NSMCE2: variants seen among roughly 807,000 people sequenced by gnomAD.
NSMCE2 encodes NSE2 SUMO ligase component of SMC5/6 complex.
A neutral mutation model predicts 23.8 loss-of-function variants in NSMCE2; 24 were observed. The observed-to-expected ratio is 1.01, with a 90% CI of 0.73 to 1.42. The LOEUF (loss-of-function observed/expected upper bound fraction) is 1.42, where lower values mean the gene tolerates loss of function less well. Among genes scored for constraint, NSMCE2 ranks in the 40% most tolerant of loss-of-function variants. The pLI is 0.00. For missense variants in NSMCE2, 284 were observed against 296.5 expected (o/e 0.96, Z 0.31); for synonymous variants, 92 against 94.1 (o/e 0.98, Z 0.13).
intron 3 of NSMCE2, among the ~76,000 whole-genome samples, chr8:125,132,580 C>T (rs969289367): frequency 1.3e-5 from 2 of 151,980 alleles, no homozygotes; most frequent in Admixed American, 1.3e-4. Context: ...GCAACCTCCA[C>T]CTCCTCAGGC....
chr8:125,309,265 A>G (rs1028830541), intron 5 of NSMCE2, among the ~76,000 whole-genome samples: 7 of 151,740 alleles, frequency 4.6e-5, no homozygotes, highest in Non-Finnish European at 7.4e-5. Flanking sequence ...AAAAAAAAAA[A>G]AAAAAGAATT....
At chr8:125,103,625 G>A (rs1818309211) in intron 3 of NSMCE2, among the ~76,000 whole-genome samples, 2 of 152,082 alleles carry the variant, frequency 1.3e-5, no homozygotes, top group Non-Finnish European at 2.9e-5. Flanking sequence ...TGTTAGATGG[G>A]TTGATATTGT....
At chr8:125,364,543 A>T (rs1016892109) in intron 7 of NSMCE2, among the ~76,000 whole-genome samples, 1 of 152,238 alleles carries the variant, frequency 6.6e-6, no homozygotes, top group African/African-American at 2.4e-5. Context: ...GGCAGGAACC[A>T]TGTATTTGTA....
intron 5 of NSMCE2, among the ~76,000 whole-genome samples, chr8:125,332,714 C>G (rs1829924199): frequency 6.6e-6 from 1 of 152,184 alleles, no homozygotes; most frequent in Non-Finnish European, 1.5e-5. Flanking sequence ...TTTTCTTTCC[C>G]CTATCCCCTT....
intron 5 of NSMCE2, among the ~76,000 whole-genome samples, chr8:125,273,691 C>A (rs948026825): frequency 2.0e-5 from 3 of 152,180 alleles, no homozygotes; most frequent in African/African-American, 7.2e-5. Flanking sequence ...GGATTATCAT[C>A]TGAATTTCTC....
chr8:125,267,223 G>A (rs938415276), intron 5 of NSMCE2, among the ~76,000 whole-genome samples: 8 of 152,008 alleles, frequency 5.3e-5, no homozygotes, highest in Non-Finnish European at 1.2e-4. Flanking sequence ...GGCCAGGCTG[G>A]TCTCAAACTC....
intron 4 of NSMCE2, among the ~76,000 whole-genome samples, chr8:125,176,419 G>A (rs188245581): frequency 1.3e-5 from 2 of 151,846 alleles, no homozygotes; most frequent in South Asian, 2.1e-4. Context: ...TCTTCTAGCC[G>A]CCCTTAAAAT....
At chr8:125,294,798 C>CG (rs1563768303) in intron 5 of NSMCE2, among the ~76,000 whole-genome samples, 1 of 152,158 alleles carries the variant, frequency 6.6e-6, no homozygotes, top group Non-Finnish European at 1.5e-5. Context: ...CACAGTGTTC[C>CG]GAGGCCTTTA....
At chr8:125,154,442 G>C (rs1187478399) in intron 4 of NSMCE2, among the ~76,000 whole-genome samples, 2 of 151,162 alleles carry the variant, frequency 1.3e-5, no homozygotes, top group Non-Finnish European at 2.9e-5. Flanking sequence ...CAAGAAAACA[G>C]GGCTACTATA....
intron 3 of NSMCE2, among the ~76,000 whole-genome samples, chr8:125,149,952 T>C (rs1385758363): frequency 6.6e-6 from 1 of 152,188 alleles, no homozygotes. Context: ...TAAGAGTGCC[T>C]TCTCCAGAAA....
intron 7 of NSMCE2, among the ~76,000 whole-genome samples, chr8:125,364,623 G>A (rs573653304): frequency 6.6e-6 from 1 of 152,226 alleles, no homozygotes; most frequent in Admixed American, 6.5e-5. Context: ...GCATGAATGG[G>A]TGCATGCCTG....
intron 5 of NSMCE2, among the ~76,000 whole-genome samples, chr8:125,233,698 G>A (rs990120678): frequency 2.0e-5 from 3 of 152,116 alleles, no homozygotes; most frequent in African/African-American, 7.2e-5. Flanking sequence ...AACAGAGATG[G>A]AGGAGATGAA....
chr8:125,130,602 C>T lies in NSMCE2; in HGVS notation c.158-20569C>T, dbSNP rs540808314. Among the ~76,000 whole-genome samples the T allele has an allele frequency of 3.3e-5, 5 of 152,250 alleles. No homozygotes were observed. The East Asian group carries it at 9.6e-4, about 29-fold the overall frequency. On this transcript the variant is annotated intron_variant, in intron 3 of 7. Coordinates refer to ENST00000287437, the MANE Select transcript of NSMCE2 (RefSeq NM_173685.4). ...TATTGAGAAACCAAGATCTGGGCTC[C>T]AGATGTGCTTGCTGCTACCAGAAAG...
intron 5 of NSMCE2, among the ~76,000 whole-genome samples, chr8:125,301,652 ATT>A (rs67825410): frequency 0.08 from 8,912 of 110,758 alleles, 229 homozygotes; most frequent in Middle Eastern, 0.14. Flanking sequence ...CATACAAGCC[ATT>A]TTTTTTTTTT....
At chr8:125,345,649 C>G (rs1397251351) in intron 5 of NSMCE2, among the ~76,000 whole-genome samples, 1 of 152,180 alleles carries the variant, frequency 6.6e-6, no homozygotes, top group African/African-American at 2.4e-5. Flanking sequence ...TGCTTTAGCA[C>G]CTGACAGAGG....
At chr8:125,252,451 A>G (rs1826236559) in intron 5 of NSMCE2, among the ~76,000 whole-genome samples, 1 of 152,176 alleles carries the variant, frequency 6.6e-6, no homozygotes, top group Non-Finnish European at 1.5e-5. Flanking sequence ...GCGTGAACCC[A>G]GGAGGCGGAG....
chr8:125,190,380 A>T (rs1823293681), intron 5 of NSMCE2, among the ~76,000 whole-genome samples: 1 of 152,180 alleles, frequency 6.6e-6, no homozygotes, highest in Non-Finnish European at 1.5e-5. Context: ...AAGAACAACA[A>T]AGCTAGTGAA....
chr8:125,294,791 A>T (rs145986071), intron 5 of NSMCE2, among the ~76,000 whole-genome samples: 72 of 152,350 alleles, frequency 4.7e-4, no homozygotes, highest in African/African-American at 1.6e-3. Flanking sequence ...ATTCATTCAC[A>T]GTGTTCCGAG....
chr8:125,207,794 G>A (rs1824172711), intron 5 of NSMCE2, among the ~76,000 whole-genome samples: 1 of 152,218 alleles, frequency 6.6e-6, no homozygotes, highest in Non-Finnish European at 1.5e-5. Flanking sequence ...AGCTGTGACA[G>A]CTGATCCCTG....
Sources: allele counts gnomAD v4.1 joint callset (sites outside exome capture counted in the v4.1 genomes callset), GRCh38; gene constraint gnomAD v4.1.1; transcripts MANE v1.5; gene names NCBI Gene and HGNC (gene_info 2026-07-23, HGNC 2026-07-21).